The following URGCP variants were observed in gnomAD, a reference collection of about 807,000 sequenced individuals.
URGCP encodes the protein upregulator of cell proliferation.
URGCP carries 13 observed loss-of-function variants against 24.6 expected under a neutral mutation model. The observed-to-expected ratio is 0.53, with a 90% CI of 0.34 to 0.84. The LOEUF (loss-of-function observed/expected upper bound fraction) is 0.84, where lower values mean the gene tolerates loss of function less well. URGCP is among the 40% of genes least tolerant of loss of function. The probability of loss-of-function intolerance (pLI) is 0.01; values close to 1 mark genes in which losing one functional copy is unlikely to be tolerated. For synonymous variants in URGCP, 444 were observed against 487.2 expected, an observed-to-expected ratio of 0.91 and a Z score of 1.17; for missense variants, 899 against 1,194.3, an observed-to-expected ratio of 0.75 and a Z score of 3.64.
At chr7:43,915,603 A>G (rs937259898) in intron 1 of URGCP, among the ~76,000 whole-genome samples, 1 of 152,222 alleles carries the variant, frequency 6.6e-6, no homozygotes, top group Non-Finnish European at 1.5e-5. Flanking sequence ...CTCATGGCCC[A>G]AGGGCCCCAT....
At chr7:43,887,909 A>G (rs1235552668) in intron 1 of URGCP, 93 bp from the exon 2 acceptor site, 2 of 799,586 alleles carry the variant, frequency 2.5e-6, no homozygotes, top group African/African-American at 3.6e-5. Flanking sequence ...TCAAAGTGCA[A>G]TAACGGAATT....
intron 1 of URGCP, among the ~76,000 whole-genome samples, chr7:43,924,248 T>C (rs1360008620): frequency 6.6e-6 from 1 of 152,170 alleles, no homozygotes; most frequent in Non-Finnish European, 1.5e-5. Context: ...CATATAAGCA[T>C]GCTAAAAAGT....
At chr7:43,916,473 C>A (rs967592664) in intron 1 of URGCP, among the ~76,000 whole-genome samples, 1 of 152,030 alleles carries the variant, frequency 6.6e-6, no homozygotes, top group Non-Finnish European at 1.5e-5. Context: ...AGCTTTGGAT[C>A]GAAGCCCTAG....
At chr7:43,904,253 AC>A (rs1259471813) in intron 1 of URGCP, among the ~76,000 whole-genome samples, 2 of 152,150 alleles carry the variant, frequency 1.3e-5, no homozygotes, top group African/African-American at 4.8e-5. Context: ...TTTCTCAAAC[AC>A]ATCTTTTCCT....
chr7:43,911,558 G>T (rs1254727616), upstream of URGCP, among the ~76,000 whole-genome samples: 1 of 152,144 alleles, frequency 6.6e-6, no homozygotes, highest in African/African-American at 2.4e-5. Context: ...TTAGCCAGGC[G>T]TGGCGGTGGA....
intron 3 of URGCP, among the ~76,000 whole-genome samples, chr7:43,886,614 A>G (rs2095862559): frequency 1.3e-5 from 2 of 152,280 alleles, no homozygotes; most frequent in South Asian, 4.1e-4. Context: ...TTAGCCGTGC[A>G]TGGTGGCGCA....
chr7:43,914,914 A>G (rs1026836023), intron 1 of URGCP, among the ~76,000 whole-genome samples: 1 of 152,222 alleles, frequency 6.6e-6, no homozygotes, highest in African/African-American at 2.4e-5. Flanking sequence ...CCCATGGTGA[A>G]AAATTCTGTC....
rs150860682 is a variant in URGCP at position 43,888,050 on chromosome 7, G to A, written c.15-234C>T. 1,225 of 509,250 alleles carry A rather than the reference G, an allele frequency of 2.4e-3. 17 individuals carry two copies. Among genetic ancestry groups the A allele is most frequent in the African/African-American group, 0.021 (1,076 of 51,236 alleles). 31.5% of individuals were successfully genotyped at this position (509,250 alleles called of 1,614,324 possible). A position where few individuals can be genotyped will look rare whatever the true frequency, so the allele number is the denominator to read the frequency against. On this transcript the variant is annotated intron_variant, in intron 1 of 5. Transcript: ENST00000453200. ...GGAAAGTCAGGCTACAGAAAAGTAT[G>A]CACAGTATGATTACAATTTAATAAA...
At chr7:43,900,209 C>G (rs1303299619) in intron 1 of URGCP, among the ~76,000 whole-genome samples, 1 of 150,870 alleles carries the variant, frequency 6.6e-6, no homozygotes, top group Non-Finnish European at 1.5e-5. Flanking sequence ...ATTCCAGCAC[C>G]TTGGGGAGGC....
intron 1 of URGCP, among the ~76,000 whole-genome samples, chr7:43,914,385 G>A (rs1005329621): frequency 1.3e-5 from 2 of 152,142 alleles, no homozygotes; most frequent in African/African-American, 4.8e-5. Flanking sequence ...CATGTCTGTA[G>A]TCCTAACTAC....
chr7:43,906,411 CGTGGGCCTG>C lies in URGCP; in HGVS notation c.14+142_14+150del, dbSNP rs1195731634. Reference sequence around the variant, plus strand: ...CCGCCCAAGGTCGGCGCGAGCGGGCCGTGGGCCTGGTGGGCCTGGCGGGCGGGGGCGCCC... The same window carrying C: ...CCGCCCAAGGTCGGCGCGAGCGGGCCGTGGGCCTGGCGGGCGGGGGCGCCC... On this transcript the variant is annotated intron_variant, in intron 1 of 5. Coordinates refer to ENST00000453200, the MANE Select transcript of URGCP (RefSeq NM_001077663.3). 2.4e-4 allele frequency: 214 copies of C among 890,388 alleles called. 1 individual carries two copies. In the South Asian group the frequency reaches 2.5e-3, roughly 10 times the overall value. The allele number at this position is 890,388 out of a possible 1,614,324, so 55.2% of individuals were successfully genotyped here.
At chr7:43,901,394 G>A (rs906621967) in intron 1 of URGCP, among the ~76,000 whole-genome samples, 4 of 152,134 alleles carry the variant, frequency 2.6e-5, no homozygotes, top group African/African-American at 9.7e-5. Flanking sequence ...AAAGAACCAG[G>A]GACACTTCTG....
chr7:43,888,957 G>A (rs757280881), intron 1 of URGCP: 1 of 152,206 alleles, frequency 6.6e-6, no homozygotes, highest in South Asian at 2.1e-4. Flanking sequence ...TCTTATTTCA[G>A]AAAGTAAGGA....
upstream of URGCP, among the ~76,000 whole-genome samples, chr7:43,909,998 G>C (rs935810664): frequency 7.7e-4 from 118 of 152,284 alleles, 1 homozygote; most frequent in Non-Finnish European, 5.1e-4. Context: ...AGCCAAGATC[G>C]TGCCATTGCA....
Position 43,878,352 on chromosome 7 carries a change from T to C in URGCP, c.1111A>G (p.Lys371Glu). The change falls in exon 6 of 6, where the codon AAA becomes GAA. Residue 371 changes from lysine (K) to glutamate (E), a missense_variant. Lys to Glu is a moderately conservative substitution (Grantham distance 56). Coordinates refer to ENST00000453200, the MANE Select transcript of URGCP (RefSeq NM_001077663.3). This position sits in a 1 kb window ranked among gnomAD's most constrained non-coding sequence, Gnocchi z 5.6. ...GACTCCTTCATGGAGTACAGCAATTTGTATTCCTTCTTACTGATATTGTCA... is the reference window on the plus strand; with the variant it reads ...GACTCCTTCATGGAGTACAGCAATTCGTATTCCTTCTTACTGATATTGTCA... ...LTDNISKKEY[K>E]LLYSMKESTT... 1 of 1,614,232 alleles carries C rather than the reference T, an allele frequency of 6.2e-7. No homozygotes were observed. The highest frequency in any genetic ancestry group is 8.5e-7 in the Non-Finnish European group (1 of 1,180,042).
intron 1 of URGCP, among the ~76,000 whole-genome samples, chr7:43,914,061 G>A (rs572994009): frequency 3.2e-4 from 49 of 152,256 alleles, no homozygotes; most frequent in Admixed American, 1.8e-3. Context: ...GTGCAGTGGC[G>A]TGATATTAGC....
upstream of URGCP, among the ~76,000 whole-genome samples, chr7:43,908,679 A>G (rs962665117): frequency 6.6e-6 from 1 of 152,204 alleles, no homozygotes; most frequent in African/African-American, 2.4e-5. Context: ...GCCCTGATCC[A>G]TTCCTTCTCC....
At chr7:43,888,928 A>G (rs1009751317) in intron 1 of URGCP, 2 of 152,404 alleles carry the variant, frequency 1.3e-5, no homozygotes, top group African/African-American at 4.8e-5. Flanking sequence ...GCAAGGAAAG[A>G]ACAGGAGGAG....
chr7:43,893,304 T>G (rs1372369609), intron 1 of URGCP, among the ~76,000 whole-genome samples: 1 of 152,100 alleles, frequency 6.6e-6, no homozygotes, highest in Non-Finnish European at 1.5e-5. Flanking sequence ...CACTTGAGCC[T>G]AGGAGATAGA....
Sources: gnomAD v4.1 joint callset for allele counts (sites outside exome capture counted in the v4.1 genomes callset) on GRCh38, gnomAD v4.1.1 for gene constraint, Gnocchi (gnomAD v3.1) non-coding constraint, MANE v1.5 for transcripts, NCBI Gene and HGNC (gene_info 2026-07-23, HGNC 2026-07-21) for gene names.